Variants in SUGCT observed in about 807,000 individuals in gnomAD.
SUGCT encodes succinyl-CoA:glutarate CoA-transferase.
SUGCT carries 41 observed loss-of-function variants against 55.0 expected under a neutral mutation model. The observed-to-expected ratio is 0.74, with a 90% CI of 0.58 to 0.97. SUGCT has a LOEUF of 0.97. Among genes scored for constraint, SUGCT ranks in the 50% least tolerant of loss-of-function variants. The pLI is 0.00. For missense variants in SUGCT, 568 were observed against 547.8 expected (o/e 1.04, Z -0.37); for synonymous variants, 187 against 200.4 (o/e 0.93, Z 0.56).
chr7:40,553,919 G>A (rs1027486222), intron 12 of SUGCT, among the ~76,000 whole-genome samples: 2 of 152,180 alleles, frequency 1.3e-5, no homozygotes, highest in Non-Finnish European at 2.9e-5. Flanking sequence ...TAACTTCTTC[G>A]TGTTTCATGT....
At chr7:40,826,283 C>T (rs115434276) in intron 13 of SUGCT, among the ~76,000 whole-genome samples, 1 of 152,072 alleles carries the variant, frequency 6.6e-6, no homozygotes. Flanking sequence ...AAGTTTAGGG[C>T]AAAGCATTTA....
intron 13 of SUGCT, among the ~76,000 whole-genome samples, chr7:40,832,379 C>T (rs924106357): frequency 6.6e-6 from 1 of 152,092 alleles, no homozygotes; most frequent in Non-Finnish European, 1.5e-5. Flanking sequence ...CACTGTGTCC[C>T]ATTTAATGTT....
At chr7:40,291,633 T>C (rs1009722073) in intron 8 of SUGCT, among the ~76,000 whole-genome samples, 8 of 150,082 alleles carry the variant, frequency 5.3e-5, no homozygotes, top group African/African-American at 1.7e-4. Flanking sequence ...TGTGCACATG[T>C]ACCCTAAAAC....
At chr7:40,509,667 C>A (rs997471078) in intron 12 of SUGCT, among the ~76,000 whole-genome samples, 5 of 152,178 alleles carry the variant, frequency 3.3e-5, no homozygotes, top group African/African-American at 1.2e-4. Flanking sequence ...CTTTTTCTTT[C>A]CGTCTGCTTT....
Position 40,303,119 on chromosome 7 carries a change from C to T in SUGCT, c.721-13641C>T, listed in dbSNP as rs546309386. ...TGCAGTCTCGGCTCACTGCAACCTCCGCCTCCCGAGTTCAAGTGATTCTCC... is the reference window on the plus strand; with the variant it reads ...TGCAGTCTCGGCTCACTGCAACCTCTGCCTCCCGAGTTCAAGTGATTCTCC... On this transcript the variant is annotated intron_variant, in intron 8 of 13. Transcript: ENST00000335693. Among the ~76,000 whole-genome samples, 21 of 151,606 alleles carry T rather than the reference C, an allele frequency of 1.4e-4. 1 individual carries two copies. Among genetic ancestry groups the T allele is most frequent in the African/African-American group, 4.6e-4 (19 of 41,336 alleles).
intron 1 of SUGCT, among the ~76,000 whole-genome samples, chr7:40,169,697 C>G (rs779946421): frequency 2.0e-5 from 3 of 152,072 alleles, no homozygotes; most frequent in African/African-American, 7.2e-5. Flanking sequence ...TTTTCCAAAG[C>G]CTCCAAAGTC....
chr7:40,911,902 G>T, the SUGCT span, among the ~76,000 whole-genome samples: 2 of 152,132 alleles, frequency 1.3e-5, no homozygotes, highest in African/African-American at 4.8e-5. Context: ...GTGTGTGTGT[G>T]GATGTACGCG....
the SUGCT span, among the ~76,000 whole-genome samples, chr7:40,987,332 T>TC: frequency 6.6e-6 from 1 of 152,120 alleles, no homozygotes; most frequent in Non-Finnish European, 1.5e-5. Flanking sequence ...AGAAAGTGGT[T>TC]TGAGAATGAT....
chr7:40,877,792 A>G, the SUGCT span, among the ~76,000 whole-genome samples: 3 of 152,240 alleles, frequency 2.0e-5, no homozygotes, highest in African/African-American at 4.8e-5. Context: ...CTTTGGTTTT[A>G]TATTTCTAGA....
intron 1 of SUGCT, among the ~76,000 whole-genome samples, chr7:40,145,480 ATTCGTTTT>A (rs756246437): frequency 1.9e-4 from 29 of 151,336 alleles, no homozygotes; most frequent in Non-Finnish European, 1.8e-4. Context: ...ACTATATAAC[ATTCGTTTT>A]TACATAAATT....
intron 6 of SUGCT, among the ~76,000 whole-genome samples, chr7:40,200,070 C>T (rs1786505586): frequency 6.6e-6 from 1 of 152,136 alleles, no homozygotes; most frequent in Non-Finnish European, 1.5e-5. Flanking sequence ...CTGGCTGGTA[C>T]ATGAGTATTC....
At chr7:40,289,835 A>G (rs1263071453) in intron 8 of SUGCT, among the ~76,000 whole-genome samples, 1 of 152,066 alleles carries the variant, frequency 6.6e-6, no homozygotes, top group Non-Finnish European at 1.5e-5. Flanking sequence ...ATGTACAAAA[A>G]TCACAAGCAT....
At chr7:40,932,169 A>G in the SUGCT span, among the ~76,000 whole-genome samples, 1 of 152,134 alleles carries the variant, frequency 6.6e-6, no homozygotes, top group Middle Eastern at 3.4e-3. Flanking sequence ...TTCTGCCTTC[A>G]TTTCGTTATT....
chr7:40,168,174 T>C (rs1454686482), intron 1 of SUGCT, among the ~76,000 whole-genome samples: 1 of 152,174 alleles, frequency 6.6e-6, no homozygotes, highest in Admixed American at 6.5e-5. Flanking sequence ...TCCCAGCTAG[T>C]CTTAGGAATT....
At chr7:40,576,496 G>T (rs1386261534) in intron 12 of SUGCT, among the ~76,000 whole-genome samples, 2 of 152,214 alleles carry the variant, frequency 1.3e-5, no homozygotes, top group Non-Finnish European at 1.5e-5. Flanking sequence ...TGTGAGTCAG[G>T]GAAATCGAGG....
chr7:40,680,395 G>A (rs144072526), intron 12 of SUGCT, among the ~76,000 whole-genome samples: 112 of 152,254 alleles, frequency 7.4e-4, no homozygotes, highest in African/African-American at 2.5e-3. Flanking sequence ...ATTCATGAGT[G>A]TTACTTAGAA....
At position 40,778,452 on chromosome 7, in the gene SUGCT, C is replaced by A. The variant is rs190366639; in HGVS notation, c.1153+28955C>A. 3.6e-4 allele frequency among the ~76,000 whole-genome samples: 55 copies of A among 152,218 alleles called. 1 individual carries two copies. Among genetic ancestry groups the A allele is most frequent in the Admixed American group, 3.6e-3 (55 of 15,286 alleles). The stretch of plus-strand genomic sequence containing the variant: ...TCATTTAAAATTTACATTTGTCTAC[C>A]CATTTATTTTTTTCCTGGCAGAAGT... On this transcript the variant is annotated intron_variant, in intron 13 of 13. Coordinates refer to ENST00000335693, the MANE Select transcript of SUGCT (RefSeq NM_001193313.2).
At chr7:40,791,643 G>A (rs941188823) in intron 13 of SUGCT, among the ~76,000 whole-genome samples, 1 of 152,136 alleles carries the variant, frequency 6.6e-6, no homozygotes, top group Non-Finnish European at 1.5e-5. Flanking sequence ...ACAAATAGTC[G>A]AATGCTGGCA....
At chr7:40,769,544 G>A (rs2876978) in intron 13 of SUGCT, among the ~76,000 whole-genome samples, 84,163 of 152,036 alleles carry the variant, frequency 0.55, 25,066 homozygotes, top group Admixed American at 0.71. Flanking sequence ...CAGAGAGCAG[G>A]GTGATAAGCT....
Sources: allele counts gnomAD v4.1 joint callset (sites outside exome capture counted in the v4.1 genomes callset), GRCh38; gene constraint gnomAD v4.1.1; transcripts MANE v1.5; gene names NCBI Gene and HGNC (gene_info 2026-07-23, HGNC 2026-07-21).